ZCCHC7: variants seen among roughly 807,000 people sequenced by gnomAD.
ZCCHC7 encodes zinc finger CCHC-type containing 7.
Under a neutral mutation model 52.0 loss-of-function variants are expected in ZCCHC7, and 35 were observed. The observed-to-expected ratio is 0.67, with a 90% confidence interval of 0.51 to 0.89. ZCCHC7 has a LOEUF of 0.89. Ranked by LOEUF, ZCCHC7 falls within the 40% of genes least tolerant of loss-of-function variation. ZCCHC7 has a pLI of 0.00. For missense variants in ZCCHC7, 574 were observed against 649.1 expected (o/e 0.88, Z 1.26); for synonymous variants, 217 against 221.5 (o/e 0.98, Z 0.18).
At chr9:37,266,516 C>G (rs117027337) in intron 2 of ZCCHC7, among the ~76,000 whole-genome samples, 2,004 of 152,184 alleles carry the variant, frequency 0.013, 9 homozygotes, top group Non-Finnish European at 0.02. Flanking sequence ...GCTTTACACT[C>G]CTGTTATTAA....
chr9:37,193,811 T>A (rs1823142354), intron 2 of ZCCHC7, among the ~76,000 whole-genome samples: 2 of 152,202 alleles, frequency 1.3e-5, no homozygotes. Flanking sequence ...GAAAAATTTG[T>A]CCGCCTTCAG....
At chr9:37,140,596 A>G (rs566294512) in intron 2 of ZCCHC7, among the ~76,000 whole-genome samples, 1 of 152,106 alleles carries the variant, frequency 6.6e-6, no homozygotes, top group East Asian at 1.9e-4. Context: ...TTAAAGTTGT[A>G]TTAATCCCTT....
rs925875223 is a variant in ZCCHC7 at position 37,221,245 on chromosome 9, G to A, written c.611-80943G>A. On this transcript the variant is annotated intron_variant, in intron 2 of 8. Transcript: ENST00000336755. ...TTAATCCACTGGTATGCAGGATAGA[G>A]TGGGAGGAAACATGGGATAAGAAAA... 9.2e-5 allele frequency among the ~76,000 whole-genome samples: 14 copies of A among 152,208 alleles called. No individual in the cohort carries two copies. The South Asian group carries it at 1.0e-3, about 11-fold the overall frequency.
intron 2 of ZCCHC7, among the ~76,000 whole-genome samples, chr9:37,255,215 G>A (rs1164636234): frequency 1.3e-5 from 2 of 152,062 alleles, no homozygotes; most frequent in Non-Finnish European, 2.9e-5. Flanking sequence ...GTCAGTTAAT[G>A]TGAATGTGGC....
chr9:37,249,456 CTTTTTTT>C (rs60166399), intron 2 of ZCCHC7, among the ~76,000 whole-genome samples: 2 of 111,266 alleles, frequency 1.8e-5, no homozygotes, highest in African/African-American at 3.7e-5. Flanking sequence ...CTTCTTCTTC[CTTTTTTT>C]TTTTTTTTTT....
At chr9:37,322,563 T>C (rs1395200892) in intron 5 of ZCCHC7, among the ~76,000 whole-genome samples, 1 of 150,142 alleles carries the variant, frequency 6.7e-6, no homozygotes, top group African/African-American at 2.5e-5. Flanking sequence ...AATTTTAATA[T>C]AAAATACAAC....
chr9:37,219,021 A>C (rs1047677553), intron 2 of ZCCHC7, among the ~76,000 whole-genome samples: 10 of 148,442 alleles, frequency 6.7e-5, no homozygotes, highest in Non-Finnish European at 1.2e-4. Flanking sequence ...CCAAGATTGC[A>C]CCACTGTGCT....
At chr9:37,133,653 A>C (rs1407364461) in intron 2 of ZCCHC7, among the ~76,000 whole-genome samples, 1 of 151,936 alleles carries the variant, frequency 6.6e-6, no homozygotes, top group African/African-American at 2.4e-5. Flanking sequence ...CGGTGGCGTT[A>C]TCTTGGCTCA....
At chr9:37,299,524 T>G (rs980095390) in intron 2 of ZCCHC7, among the ~76,000 whole-genome samples, 4 of 152,178 alleles carry the variant, frequency 2.6e-5, no homozygotes, top group African/African-American at 9.7e-5. Flanking sequence ...TACCCAGAAT[T>G]TAACAAGTTG....
intron 2 of ZCCHC7, among the ~76,000 whole-genome samples, chr9:37,219,873 C>T (rs1018069913): frequency 6.6e-5 from 10 of 152,066 alleles, no homozygotes; most frequent in African/African-American, 1.9e-4. Flanking sequence ...GAACTGGTCT[C>T]TGAAGACTAG....
intron 2 of ZCCHC7, among the ~76,000 whole-genome samples, chr9:37,208,740 C>T (rs1588483810): frequency 2.6e-5 from 4 of 152,196 alleles, no homozygotes; most frequent in Admixed American, 2.6e-4. Context: ...TCACCATTAT[C>T]ATAGTTTGAA....
At chr9:37,130,737 C>A (rs1842747271) in intron 2 of ZCCHC7, among the ~76,000 whole-genome samples, 1 of 151,568 alleles carries the variant, frequency 6.6e-6, no homozygotes, top group Non-Finnish European at 1.5e-5. Context: ...ACCTCGTGAT[C>A]CGCCTGCCTC....
At chr9:37,120,171 T>C (rs1216571775), upstream of ZCCHC7, among the ~76,000 whole-genome samples, 1 of 151,634 alleles carries the variant, frequency 6.6e-6, no homozygotes, top group African/African-American at 2.4e-5. Flanking sequence ...TGAGAAGGCG[T>C]CCACCGAGCG....
chr9:37,356,381 A>G (rs568658803), intron 8 of ZCCHC7, among the ~76,000 whole-genome samples: 54 of 152,378 alleles, frequency 3.5e-4, no homozygotes, highest in African/African-American at 1.1e-3. Flanking sequence ...TCTCTTGGGC[A>G]GTTTGGCATC....
intron 2 of ZCCHC7, among the ~76,000 whole-genome samples, chr9:37,241,234 A>G (rs755834893): frequency 1.3e-4 from 20 of 151,916 alleles, no homozygotes; most frequent in African/African-American, 1.9e-4. Context: ...TTTTACTTAG[A>G]GCTGAGTATT....
intron 2 of ZCCHC7, among the ~76,000 whole-genome samples, chr9:37,247,126 C>T (rs907845935): frequency 3.3e-5 from 5 of 152,182 alleles, no homozygotes; most frequent in African/African-American, 1.2e-4. Flanking sequence ...TTATTCTCTA[C>T]TTCTGTGAGT....
chr9:37,204,090 C>T (rs142047810), intron 2 of ZCCHC7, among the ~76,000 whole-genome samples: 45 of 152,182 alleles, frequency 3.0e-4, no homozygotes, highest in African/African-American at 9.2e-4. Flanking sequence ...GTTTGTCAGC[C>T]GTGTAAATGT....
At chr9:37,317,621 A>C (rs913807048) in intron 5 of ZCCHC7, among the ~76,000 whole-genome samples, 1 of 152,298 alleles carries the variant, frequency 6.6e-6, no homozygotes, top group Admixed American at 6.5e-5. Flanking sequence ...AGGTAATTTC[A>C]GTAAAATAAA....
intron 2 of ZCCHC7, among the ~76,000 whole-genome samples, chr9:37,150,678 A>G (rs749550932): frequency 1.2e-4 from 18 of 152,308 alleles, no homozygotes; most frequent in Admixed American, 6.5e-4. Flanking sequence ...TGTAGCATGG[A>G]AAGAAGGGTT....
Sources: gnomAD v4.1 joint callset for allele counts (sites outside exome capture counted in the v4.1 genomes callset) on GRCh38, gnomAD v4.1.1 for gene constraint, MANE v1.5 for transcripts, NCBI Gene and HGNC (gene_info 2026-07-23, HGNC 2026-07-21) for gene names.